PFKFB3: variants seen among roughly 807,000 people sequenced by gnomAD.
PFKFB3 encodes 6-phosphofructo-2-kinase/fructose-2,6-bisphosphatase 3.
Under a neutral mutation model 68.0 loss-of-function variants are expected in PFKFB3, and 33 were observed. That is an observed-to-expected ratio of 0.49 (90% CI 0.37 to 0.65). The LOEUF (loss-of-function observed/expected upper bound fraction) is 0.65, where lower values mean the gene tolerates loss of function less well. Among genes scored for constraint, PFKFB3 ranks in the 30% least tolerant of loss-of-function variants. The pLI is 0.00. For missense variants in PFKFB3, 586 were observed against 712.2 expected, an observed-to-expected ratio of 0.82 and a Z score of 2.02; for synonymous variants, 315 against 288.2, an observed-to-expected ratio of 1.09 and a Z score of -0.94.
chr10:6,196,561 G>T (rs1370156802), intron 1 of PFKFB3, among the ~76,000 whole-genome samples: 1 of 152,132 alleles, frequency 6.6e-6, no homozygotes, highest in Non-Finnish European at 1.5e-5. Context: ...GAAGAATTTG[G>T]AGTCTGATGT....
chr10:6,202,926 C>A, upstream of PFKFB3: 1 of 1,202,536 alleles, frequency 8.3e-7, no homozygotes, highest in Non-Finnish European at 1.0e-6. Flanking sequence ...GTGCGCGGGG[C>A]ATCCCAGCCA....
At chr10:6,203,577 C>T (rs1032966836) in intron 1 of PFKFB3, among the ~76,000 whole-genome samples, 5 of 151,680 alleles carry the variant, frequency 3.3e-5, no homozygotes, top group Non-Finnish European at 7.4e-5. Flanking sequence ...GGGCTGCGTA[C>T]CCCGAGACGG....
At chr10:6,146,146 G>C (rs1841382590) in intron 1 of PFKFB3, 17 of 824,608 alleles carry the variant, frequency 2.1e-5, no homozygotes, top group Non-Finnish European at 2.5e-5. Flanking sequence ...GTGTGTGTGG[G>C]GGGAGCCTGG....
chr10:6,261,582 G>A, the PFKFB3 span, among the ~76,000 whole-genome samples: 2 of 152,208 alleles, frequency 1.3e-5, no homozygotes, highest in African/African-American at 4.8e-5. Context: ...TTTTGGGCTG[G>A]GCGTGGTGGC....
chr10:6,203,634 C>T (rs1843486192), intron 1 of PFKFB3, among the ~76,000 whole-genome samples: 1 of 151,826 alleles, frequency 6.6e-6, no homozygotes, highest in African/African-American at 2.4e-5. Context: ...CCACATCCTC[C>T]GCGATCCCTG....
chr10:6,166,228 C>T (rs563775798), intron 1 of PFKFB3, among the ~76,000 whole-genome samples: 26 of 152,184 alleles, frequency 1.7e-4, no homozygotes, highest in Middle Eastern at 6.8e-3. Context: ...GTGATCCGCC[C>T]GCCTCGGTCT....
intron 1 of PFKFB3, among the ~76,000 whole-genome samples, chr10:6,169,618 AG>A (rs1317067051): frequency 6.6e-6 from 1 of 152,186 alleles, no homozygotes; most frequent in Non-Finnish European, 1.5e-5. Flanking sequence ...GCTGAGGAAC[AG>A]GAAGAGTGCG....
chr10:6,293,242 C>T, the PFKFB3 span: 6 of 457,676 alleles, frequency 1.3e-5, no homozygotes, highest in Admixed American at 1.2e-4. Context: ...TTTGAGAGTC[C>T]TTCAGTCCAG....
intron 1 of PFKFB3, among the ~76,000 whole-genome samples, chr10:6,194,877 C>CTT (rs113217222): frequency 5.1e-4 from 74 of 144,174 alleles, no homozygotes; most frequent in East Asian, 3.2e-3. Context: ...TTTCTTTTTT[C>CTT]TTTTTTTTTT....
At chr10:6,199,748 G>A (rs895304105), upstream of PFKFB3, among the ~76,000 whole-genome samples, 3 of 130,304 alleles carry the variant, frequency 2.3e-5, no homozygotes, top group Non-Finnish European at 4.7e-5. Context: ...CAATCCGTCC[G>A]CCTGAGCCAC....
intron 1 of PFKFB3, among the ~76,000 whole-genome samples, chr10:6,181,939 G>A (rs574046340): frequency 6.6e-6 from 1 of 152,172 alleles, no homozygotes; most frequent in South Asian, 2.1e-4. Flanking sequence ...GTGTTTAAAT[G>A]GGGACACAGT....
Position 6,179,627 on chromosome 10 carries a change from C to T in PFKFB3, c.17-33996C>T, listed in dbSNP as rs183106907. 1.4e-3 allele frequency among the ~76,000 whole-genome samples: 215 copies of T among 152,198 alleles called. 2 individuals carry two copies. The highest frequency in any genetic ancestry group is 4.6e-3 in the African/African-American group (192 of 41,530). On this transcript the variant is annotated intron_variant, in intron 1 of 14. Transcript: ENST00000379789. Reference sequence around the variant, plus strand: ...TGTGGAGGCCCAGGAGGACTGCAGGCAAGAGGGGAGAAAAGGAAGAACCCG... The same window carrying T: ...TGTGGAGGCCCAGGAGGACTGCAGGTAAGAGGGGAGAAAAGGAAGAACCCG...
chr10:6,247,322 G>A (rs1402354161), intron 14 of PFKFB3, among the ~76,000 whole-genome samples: 1 of 152,200 alleles, frequency 6.6e-6, no homozygotes, highest in Non-Finnish European at 1.5e-5. Flanking sequence ...GAAAGGCTTT[G>A]CCTCTGACAC....
Position 6,182,384 on chromosome 10 carries a change from T to A in PFKFB3, c.17-31239T>A, listed in dbSNP as rs574306726. Among the ~76,000 whole-genome samples, 105 of 152,214 alleles carry A rather than the reference T, an allele frequency of 6.9e-4. 1 individual carries two copies. The highest frequency in any genetic ancestry group is 2.0e-3 in the African/African-American group (85 of 41,540). On this transcript the variant is annotated intron_variant, in intron 1 of 14. Coordinates refer to the PFKFB3 transcript ENST00000379789. ...TGCAGCAGCAGTGTCACAAACAAGT[T>A]GTCCTGCACCTAAGACTAATCTGGA... is the stretch of plus-strand genomic sequence containing the variant.
At chr10:6,247,002 A>G (rs933808612) in intron 14 of PFKFB3, among the ~76,000 whole-genome samples, 4 of 152,328 alleles carry the variant, frequency 2.6e-5, no homozygotes, top group Admixed American at 6.5e-5. Context: ...CCAGACCCGG[A>G]CATGCAACAA....
intron 1 of PFKFB3, among the ~76,000 whole-genome samples, chr10:6,211,379 T>C (rs570231771): frequency 6.6e-6 from 1 of 152,308 alleles, no homozygotes; most frequent in African/African-American, 2.4e-5. Context: ...AGTATGTGTG[T>C]GCGTCTGTCT....
In PFKFB3 at chr10:6,228,120, G is replaced by C; in HGVS notation, c.1515+1755G>C. 1 of 1,547,794 alleles carries C rather than the reference G, an allele frequency of 6.5e-7. No homozygotes were observed. The highest frequency in any genetic ancestry group is 8.9e-7 in the Non-Finnish European group (1 of 1,121,244). ...TGAAGCTGCTGGCTGGGCCGGCGTG[G>C]GGTTTTTCAGGGCTTCGTCCCTGCA... On this transcript the variant is annotated intron_variant, in intron 14 of 14. Coordinates refer to ENST00000379775, the MANE Select transcript of PFKFB3 (RefSeq NM_004566.4). This position sits in a 1 kb window ranked among gnomAD's most constrained non-coding sequence, Gnocchi z 4.5.
chr10:6,215,525 C>A lies in PFKFB3; in HGVS notation c.299+208C>A, dbSNP rs1308236931. ...CAGGCTCTGTAGGAGGCAGAGAAAG[C>A]CGGCCTGCGGGTGGGTCCTGCTGGT... On this transcript the variant is annotated intron_variant, in intron 3 of 14. Coordinates refer to ENST00000379775, the MANE Select transcript of PFKFB3 (RefSeq NM_004566.4). This position sits in a 1 kb window ranked among gnomAD's most constrained non-coding sequence, Gnocchi z 4.3. Among the ~76,000 whole-genome samples, 3 of 152,098 alleles carry A rather than the reference C, an allele frequency of 2.0e-5. No homozygotes were observed. The highest frequency in any genetic ancestry group is 3.9e-4 in the East Asian group (2 of 5,182).
intron 14 of PFKFB3, chr10:6,231,577 G>T: frequency 1.0e-6 from 1 of 985,406 alleles, no homozygotes; most frequent in Non-Finnish European, 1.2e-6. Context: ...ACCTGTGGGT[G>T]CCGGAAGCTG....
Sources: gnomAD v4.1 joint callset for allele counts (sites outside exome capture counted in the v4.1 genomes callset) on GRCh38, gnomAD v4.1.1 for gene constraint, Gnocchi (gnomAD v3.1) non-coding constraint, MANE v1.5 for transcripts, NCBI Gene and HGNC (gene_info 2026-07-23, HGNC 2026-07-21) for gene names.